MESD: variants seen among roughly 807,000 people sequenced by gnomAD.
MESD encodes LRP chaperone MESD.
Under a neutral mutation model 12.9 loss-of-function variants are expected in MESD, and 7 were observed. That is an observed-to-expected ratio of 0.54 (90% CI 0.31 to 1.02). The LOEUF is 1.02. MESD is among the 50% of genes least tolerant of loss of function. The probability of loss-of-function intolerance (pLI) is 0.05; values close to 1 mark genes in which losing one functional copy is unlikely to be tolerated. For missense variants in MESD, 342 were observed against 296.7 expected (o/e 1.15, Z -1.12); for synonymous variants, 126 against 115.6 (o/e 1.09, Z -0.58).
intron 1 of MESD, among the ~76,000 whole-genome samples, chr15:80,988,417 C>T (rs948829087): frequency 2.0e-5 from 3 of 152,148 alleles, no homozygotes; most frequent in Non-Finnish European, 4.4e-5. Context: ...CTGAGTAGGT[C>T]AAGGGGAGGA....
intron 3 of MESD, among the ~76,000 whole-genome samples, chr15:80,961,234 T>A (rs568159828): frequency 4.5e-4 from 68 of 150,614 alleles, no homozygotes; most frequent in Non-Finnish European, 8.3e-4. Context: ...ACTCTGCTGA[T>A]ATTTTATATG....
rs191716995 is a variant in MESD, at chr15:80,979,092, G to C, written c.*127C>G. The C allele has an allele frequency of 1.6e-5, 21 of 1,315,478 alleles. No individual in the cohort carries two copies. In the East Asian group the frequency reaches 4.9e-4, roughly 30 times the overall value. The allele number at this position is 1,315,478 out of a possible 1,614,324, so 81.5% of individuals were successfully genotyped here. A position where few individuals can be genotyped will look rare whatever the true frequency, so the allele number is the denominator to read the frequency against. ...TTGACCACAAACTGGTCATGTGGCA[G>C]ACCCTTTCTAGAAGACACTAGAATG... On this transcript the variant is annotated 3_prime_UTR_variant, in exon 3 of 3. Transcript: ENST00000261758.
intron 1 of MESD, among the ~76,000 whole-genome samples, chr15:80,986,615 A>G (rs1426446481): frequency 6.6e-6 from 1 of 152,162 alleles, no homozygotes; most frequent in African/African-American, 2.4e-5. Context: ...AGTCTGGGTA[A>G]CCTAACCTGT....
Position 80,978,959 on chromosome 15 carries a change from T to G in MESD, c.*260A>C. 1 of 519,702 alleles carries G rather than the reference T, an allele frequency of 1.9e-6. No individual in the cohort carries two copies. Among genetic ancestry groups the G allele is most frequent in the Admixed American group, 3.6e-5 (1 of 27,788 alleles). 32.2% of individuals were successfully genotyped at this position (519,702 alleles called of 1,614,324 possible). A position where few individuals can be genotyped will look rare whatever the true frequency, so the allele number is the denominator to read the frequency against. On this transcript the variant is annotated 3_prime_UTR_variant, in exon 3 of 3. Coordinates refer to ENST00000261758, the MANE Select transcript of MESD (RefSeq NM_015154.3). ...GTGTAAATGGGAAAAAGCAACACAG[T>G]CACATTTCCATGTAAGGAGATTTTA...
At chr15:80,968,865 G>GT (rs1902227700) in intron 3 of MESD, among the ~76,000 whole-genome samples, 1 of 152,056 alleles carries the variant, frequency 6.6e-6, no homozygotes, top group South Asian at 2.1e-4. Flanking sequence ...CATAGTAAAT[G>GT]TTAACTAATA....
intron 2 of MESD, 30 bp from the exon 3 acceptor site, chr15:80,979,507 A>G: frequency 6.2e-7 from 1 of 1,607,920 alleles, no homozygotes; most frequent in Non-Finnish European, 8.5e-7. Flanking sequence ...TCAGTCAGCC[A>G]GCACGTACTA....
chr15:80,988,093 C>T (rs1596240123), intron 1 of MESD, among the ~76,000 whole-genome samples: 1 of 152,356 alleles, frequency 6.6e-6, no homozygotes, highest in African/African-American at 2.4e-5. Flanking sequence ...TTCATTTGCA[C>T]TTCTGTCACC....
downstream of MESD, among the ~76,000 whole-genome samples, chr15:80,974,696 C>A (rs1382726436): frequency 7.0e-6 from 1 of 141,930 alleles, no homozygotes. Context: ...GCTGAATCTG[C>A]AATCAATTAG....
chr15:80,974,061 T>TCCC (rs111416993), downstream of MESD, among the ~76,000 whole-genome samples: 618 of 149,618 alleles, frequency 4.1e-3, 6 homozygotes, highest in African/African-American at 0.014. Flanking sequence ...CAATTATGGT[T>TCCC]CCCCCCCCCA....
rs143929691 is a variant in MESD at position 80,988,825 on chromosome 15, C to T, written c.213+754G>A. On this transcript the variant is annotated intron_variant, in intron 1 of 2. Transcript: ENST00000261758. ...CCACAGCTATGCAAGTCAACCAGGA[C>T]GATACAATCACCTTAGGAAGGGGAA... is the stretch of plus-strand genomic sequence containing the variant. 1.7e-4 allele frequency among the ~76,000 whole-genome samples: 26 copies of T among 152,306 alleles called. No individual in the cohort carries two copies. In the East Asian group the frequency reaches 4.6e-3, roughly 27 times the overall value.
At chr15:80,982,554 T>A (rs1902609723) in intron 1 of MESD, among the ~76,000 whole-genome samples, 1 of 152,132 alleles carries the variant, frequency 6.6e-6, no homozygotes, top group African/African-American at 2.4e-5. Context: ...ATCCCAAAAA[T>A]GTTAAGTGAC....
intron 2 of MESD, 66 bp from the exon 3 acceptor site, chr15:80,979,543 TTC>T: frequency 2.6e-6 from 4 of 1,532,838 alleles, no homozygotes; most frequent in Non-Finnish European, 3.5e-6. Flanking sequence ...GTCAGAGCAA[TTC>T]TCTGGCACTT....
Position 80,979,300 on chromosome 15 carries a change from G to C in MESD, c.624C>G (p.Gly208=), listed in dbSNP as rs746466139. Residue 208 remains glycine (G), a synonymous_variant, in exon 3 of 3, where the codon GGC becomes GGG. Transcript: ENST00000261758. ...TCAGATCTCCTTCCTTCTTTTTTTT[G>C]CCCTTGTCTTGCTTTGTTTTATTTT... The part of the protein sequence containing the change: ...KEKNKTKQDK[G]KKKKEGDLKS... 1.9e-6 allele frequency: 3 copies of C among 1,606,292 alleles called. No homozygotes were observed. In the South Asian group the frequency reaches 3.3e-5, roughly 18 times the overall value.
chr15:80,968,204 G>A (rs1236755585), intron 3 of MESD, among the ~76,000 whole-genome samples: 1 of 152,238 alleles, frequency 6.6e-6, no homozygotes, highest in African/African-American at 2.4e-5. Context: ...GCACCAAGGT[G>A]GTGGGAACGG....
At chr15:80,973,805 G>A (rs1567123108), downstream of MESD, among the ~76,000 whole-genome samples, 2 of 151,500 alleles carry the variant, frequency 1.3e-5, no homozygotes, top group Non-Finnish European at 1.5e-5. Flanking sequence ...TAAAAATATT[G>A]CATTAAAATA....
intron 3 of MESD, among the ~76,000 whole-genome samples, chr15:80,960,068 T>C (rs1902058173): frequency 6.6e-6 from 1 of 152,126 alleles, no homozygotes; most frequent in Non-Finnish European, 1.5e-5. Flanking sequence ...AAAGGGGGTT[T>C]AAGACAGCAC....
At position 80,959,467 on chromosome 15, in the gene MESD, T is replaced by C. The variant is rs554582505; in HGVS notation, c.*289-7171A>G. Among the ~76,000 whole-genome samples, 7 of 152,106 alleles carry C rather than the reference T, an allele frequency of 4.6e-5. No homozygotes were observed. In the South Asian group the frequency reaches 1.5e-3, roughly 32 times the overall value. On this transcript the variant is annotated intron_variant, in intron 3 of 4. Coordinates refer to the MESD transcript ENST00000561312. ...GTGGCTGCCTGCTTAGCTGAAGGGG[T>C]TCCTGATAGAAAGAGGATATAGGGC...
At chr15:80,960,884 T>C (rs1160345990) in intron 3 of MESD, among the ~76,000 whole-genome samples, 2 of 152,172 alleles carry the variant, frequency 1.3e-5, no homozygotes, top group South Asian at 2.1e-4. Context: ...TGGCTCCCTG[T>C]TGGGTTTGGC....
rs1055075736 is a variant in MESD at position 80,977,672 on chromosome 15, G to C, written c.*1547C>G. 6.6e-6 allele frequency: 1 copy of C among 152,276 alleles called. No individual in the cohort carries two copies. The highest frequency in any genetic ancestry group is 2.4e-5 in the African/African-American group (1 of 41,460). The allele number at this position is 152,276 out of a possible 1,614,324, so 9.4% of individuals were successfully genotyped here. A position where few individuals can be genotyped will look rare whatever the true frequency, so the allele number is the denominator to read the frequency against. ...AGAAAAAGCCCACAGACAGGGCTTGGTTCAGCCACGGCATGATTCAGGGAC... is the reference window on the plus strand; with the variant it reads ...AGAAAAAGCCCACAGACAGGGCTTGCTTCAGCCACGGCATGATTCAGGGAC... On this transcript the variant is annotated 3_prime_UTR_variant, in exon 3 of 3. Transcript: ENST00000261758.
Sources: gnomAD v4.1 joint callset for allele counts (sites outside exome capture counted in the v4.1 genomes callset) on GRCh38, gnomAD v4.1.1 for gene constraint, MANE v1.5 for transcripts, NCBI Gene and HGNC (gene_info 2026-07-23, HGNC 2026-07-21) for gene names.